Variants in RAD23A observed in about 807,000 individuals in gnomAD.
The protein encoded by RAD23A is RAD23 nucleotide excision repair protein A.
RAD23A carries 16 observed loss-of-function variants against 44.8 expected under a neutral mutation model. The observed-to-expected ratio is 0.36, with a 90% CI of 0.24 to 0.54. RAD23A has a LOEUF of 0.54. Among genes scored for constraint, RAD23A ranks in the 20% least tolerant of loss-of-function variants. The probability of loss-of-function intolerance (pLI) is 0.89; values close to 1 mark genes in which losing one functional copy is unlikely to be tolerated. For missense variants in RAD23A, 380 were observed against 483.3 expected (o/e 0.79, Z 2.00); for synonymous variants, 217 against 202.9 (o/e 1.07, Z -0.59).
chr19:12,951,510 G>C (rs1048606560), intron 7 of RAD23A, among the ~76,000 whole-genome samples: 98 of 150,772 alleles, frequency 6.5e-4, no homozygotes, highest in African/African-American at 2.3e-3. Context: ...GCAGTGGCGT[G>C]ATCTCAGCTC....
chr19:12,949,825 A>C (rs559645765), intron 7 of RAD23A, among the ~76,000 whole-genome samples: 1 of 151,700 alleles, frequency 6.6e-6, no homozygotes, highest in South Asian at 2.1e-4. Flanking sequence ...CTCTGGGACA[A>C]CTCTGCTCAG....
At chr19:12,949,195 C>T (rs1471493019) in intron 6 of RAD23A, 36 bp downstream of exon 6, 3 of 1,613,990 alleles carry the variant, frequency 1.9e-6, no homozygotes, top group African/African-American at 2.7e-5. Context: ...CCTCCAGGTA[C>T]CTGACTCACA....
intron 7 of RAD23A, among the ~76,000 whole-genome samples, chr19:12,951,333 A>C (rs1971805834): frequency 6.6e-6 from 1 of 152,140 alleles, no homozygotes; most frequent in Non-Finnish European, 1.5e-5. Context: ...AACTGTCACC[A>C]CCGTGGCTTC....
At chr19:12,951,185 C>G (rs944319659) in intron 7 of RAD23A, among the ~76,000 whole-genome samples, 1 of 152,196 alleles carries the variant, frequency 6.6e-6, no homozygotes, top group African/African-American at 2.4e-5. Context: ...CTATGTTGCC[C>G]AGGCTGGTTT....
chr19:12,946,502 C>T (rs972924052), intron 1 of RAD23A, among the ~76,000 whole-genome samples: 3 of 152,054 alleles, frequency 2.0e-5, no homozygotes, highest in African/African-American at 7.2e-5. Flanking sequence ...GTTTGTTGGC[C>T]GTTTACTTTT....
rs923186653 is a variant in RAD23A at position 12,952,674 on chromosome 19, C to T, written c.814-15C>T. ...GGGCTGTGAATTACCTTCCCTTCCC[C>T]ACCCTCTCCTGCAGCAAATCAGCCG... On this transcript the variant is annotated splice_polypyrimidine_tract_variant and intron_variant, in intron 7 of 8. Coordinates refer to ENST00000586534, the MANE Select transcript of RAD23A (RefSeq NM_005053.4). 16 of 1,602,836 alleles carry T rather than the reference C, an allele frequency of 1.0e-5. No homozygotes were observed. Among genetic ancestry groups the T allele is most frequent in the Non-Finnish European group, 1.4e-5 (16 of 1,171,764 alleles).
At chr19:12,952,234 G>A (rs1299871239) in intron 7 of RAD23A, 1 of 163,438 alleles carries the variant, frequency 6.1e-6, no homozygotes, top group African/African-American at 2.4e-5. Context: ...TCAAGACAGG[G>A]TCTTGCTCTG....
At position 12,949,068 on chromosome 19, in the gene RAD23A, G is replaced by A. The variant is rs771231828; in HGVS notation, c.601-13G>A. The A allele has an allele frequency of 6.2e-7, 1 of 1,608,712 alleles. No individual in the cohort carries two copies. Among genetic ancestry groups the A allele is most frequent in the South Asian group, 1.1e-5 (1 of 90,240 alleles). ...GAGGTCTGTGCATTAGAACTAAACA[G>A]GACCCCTGACAGGGAATTCCTGGGA... On this transcript the variant is annotated splice_polypyrimidine_tract_variant and intron_variant, in intron 5 of 8. Coordinates refer to ENST00000586534, the MANE Select transcript of RAD23A (RefSeq NM_005053.4).
intron 7 of RAD23A, among the ~76,000 whole-genome samples, chr19:12,950,022 C>G (rs960998906): frequency 2.6e-5 from 4 of 152,154 alleles, no homozygotes; most frequent in Non-Finnish European, 4.4e-5. Context: ...TGTTCTTCAT[C>G]TGCACTCAGC....
Position 12,948,286 on chromosome 19 carries a change from C to G in RAD23A, c.344C>G (p.Pro115Arg), listed in dbSNP as rs765900414. 15 of 1,613,284 alleles carry G rather than the reference C, an allele frequency of 9.3e-6. No individual in the cohort carries two copies. Among genetic ancestry groups the G allele is most frequent in the Middle Eastern group, 1.6e-4 (1 of 6,074 alleles). ...PAPTSGMSHP[P>R]PAAREDKSPS... ...CCCACCTCAGGCATGTCCCATCCCC[C>G]ACCTGCCGCCAGAGAGGACAAGAGC... The change falls in exon 3 of 9, where the codon CCA (proline) becomes CGA (arginine). Residue 115 changes from proline to arginine, a missense_variant. Pro to Arg is a moderately radical substitution (Grantham distance 103, BLOSUM62 -2). Transcript: ENST00000586534. The surrounding 1 kb of genome is among the most constrained non-coding windows in gnomAD (Gnocchi z 5.5).
chr19:12,947,755 T>G, intron 1 of RAD23A, 93 bp from the exon 2 acceptor site: 1 of 1,288,282 alleles, frequency 7.8e-7, no homozygotes, highest in Non-Finnish European at 1.1e-6. Context: ...TGCTTGCCTT[T>G]CTGCCATCAG....
chr19:12,951,393 TTGTC>T (rs1568454764), intron 7 of RAD23A, among the ~76,000 whole-genome samples: 4 of 152,298 alleles, frequency 2.6e-5, no homozygotes, highest in Non-Finnish European at 1.5e-5. Flanking sequence ...TCTGGTGTCA[TTGTC>T]TGCCTCCTCC....
At chr19:12,951,701 C>T (rs1299114625) in intron 7 of RAD23A, among the ~76,000 whole-genome samples, 1 of 152,194 alleles carries the variant, frequency 6.6e-6, no homozygotes, top group Admixed American at 6.5e-5. Context: ...CTGCCTCAGC[C>T]TCCCAAAGTA....
rs45604337 is a variant in RAD23A, at chr19:12,948,636, G to T, written c.473-50G>T. 6.3e-7 allele frequency: 1 copy of T among 1,591,530 alleles called. No homozygotes were observed. Among genetic ancestry groups the T allele is most frequent in the Non-Finnish European group, 8.6e-7 (1 of 1,169,142 alleles). On this transcript the variant is annotated intron_variant, in intron 4 of 8. Transcript: ENST00000586534. This position sits in a 1 kb window ranked among gnomAD's most constrained non-coding sequence, Gnocchi z 5.5. Reference sequence around the variant, plus strand: ...TGTCTGGGTGCGGGAGGGCCTGGGAGCTGCCCTTTCCTCTTCCTGGTGACC... The same window carrying T: ...TGTCTGGGTGCGGGAGGGCCTGGGATCTGCCCTTTCCTCTTCCTGGTGACC...
intron 1 of RAD23A, 82 bp from the exon 2 acceptor site, chr19:12,947,766 G>T: frequency 1.4e-6 from 2 of 1,406,220 alleles, no homozygotes; most frequent in East Asian, 4.6e-5. Flanking sequence ...CTGCCATCAG[G>T]GCTGGCAGTT....
rs766487138 is a variant in RAD23A, at chr19:12,949,385, C to A, written c.790C>A (p.Gln264Lys). The A allele has an allele frequency of 6.2e-7, 1 of 1,613,840 alleles. No homozygotes were observed. The highest frequency in any genetic ancestry group is 1.1e-5 in the South Asian group (1 of 91,080). Reference protein sequence around the residue: ...LLPALLQQLGQENPQLLQQIS... With the variant: ...LLPALLQQLGKENPQLLQQIS... ...GCCCGCCCTGCTCCAGCAGCTGGGC[C>A]AGGAGAACCCTCAGCTTTTACAGGT... Residue 264 changes from glutamine to lysine, a missense_variant, in exon 7 of 9, where the codon CAG (glutamine) becomes AAG (lysine). Physicochemically the swap from Gln to Lys is moderately conservative, Grantham distance 53 (BLOSUM62 1). Around this residue, in one of 3 missense-constraint regions of RAD23A, gnomAD observed 279 missense variants for 313.7 expected, o/e 0.89. Transcript: ENST00000586534.
Position 12,953,364 on chromosome 19 carries a change from T to A in RAD23A, c.*315T>A. On this transcript the variant is annotated 3_prime_UTR_variant, in exon 9 of 9. Transcript: ENST00000586534. ...CTCTGCAGCCAGACGGAAAGGCGGC[T>A]GCTTGCCTCTCCATCCTCCGAAAAA... is the stretch of plus-strand genomic sequence containing the variant. 2 of 201,402 alleles carry A rather than the reference T, an allele frequency of 9.9e-6. No homozygotes were observed. Among genetic ancestry groups the A allele is most frequent in the Non-Finnish European group, 2.0e-5 (2 of 101,778 alleles). The allele number at this position is 201,402 out of a possible 1,614,324, so 12.5% of individuals were successfully genotyped here. A position where few individuals can be genotyped will look rare whatever the true frequency, so the allele number is the denominator to read the frequency against.
In RAD23A at chr19:12,953,407, C is replaced by G. The variant is rs11558953; in HGVS notation, c.*358C>G. 0.025 allele frequency: 4,180 copies of G among 165,944 alleles called. 195 individuals carry two copies. The highest frequency in any genetic ancestry group is 0.093 in the African/African-American group (3,889 of 41,942). 10.3% of individuals were successfully genotyped at this position (165,944 alleles called of 1,614,324 possible). On this transcript the variant is annotated 3_prime_UTR_variant, in exon 9 of 9. Transcript: ENST00000586534. ...CCGAAAAACCCCTGAGGACCCCCCCCCATCCTCTTCTAGGATGAGGGGAAG... is the reference window on the plus strand; with the variant it reads ...CCGAAAAACCCCTGAGGACCCCCCCGCATCCTCTTCTAGGATGAGGGGAAG...
chr19:12,947,258 C>CA (rs967347019), intron 1 of RAD23A, among the ~76,000 whole-genome samples: 4 of 150,852 alleles, frequency 2.7e-5, no homozygotes, highest in Non-Finnish European at 4.4e-5. Context: ...CTCTTATCTA[C>CA]AAAAAAAAAT....
Sources: allele counts gnomAD v4.1 joint callset (sites outside exome capture counted in the v4.1 genomes callset), GRCh38; gene constraint gnomAD v4.1.1; regional missense constraint gnomAD v4.1.1; non-coding constraint Gnocchi (gnomAD v3.1); transcripts MANE v1.5; gene names NCBI Gene and HGNC (gene_info 2026-07-23, HGNC 2026-07-21).